COBL: variants seen among roughly 807,000 people sequenced by gnomAD.
COBL encodes the protein protein cordon-bleu.
In COBL, 51 loss-of-function variants were observed where a neutral mutation model predicts 98.8. The ratio of observed to expected loss-of-function variants is 0.52; its 90% CI spans 0.41 to 0.65. The LOEUF is 0.65. Among genes scored for constraint, COBL ranks in the 30% least tolerant of loss-of-function variants. COBL has a pLI of 0.00. For missense variants in COBL, 1,617 were observed against 1,617.5 expected (o/e 1.00, Z 0.01); for synonymous variants, 634 against 651.7 (o/e 0.97, Z 0.41).
chr7:51,094,604 A>C (rs1361171907), intron 6 of COBL, among the ~76,000 whole-genome samples: 1 of 152,176 alleles, frequency 6.6e-6, no homozygotes, highest in African/African-American at 2.4e-5. Flanking sequence ...CCTGCATTAC[A>C]AGAATTGGTA....
chr7:51,154,697 G>GT (rs1466144458), intron 5 of COBL, among the ~76,000 whole-genome samples: 1 of 152,172 alleles, frequency 6.6e-6, no homozygotes, highest in East Asian at 1.9e-4. Flanking sequence ...GAGCCAGCAG[G>GT]TAAGAGGAGA....
chr7:51,109,604 G>C (rs902019871), intron 6 of COBL, among the ~76,000 whole-genome samples: 1 of 151,674 alleles, frequency 6.6e-6, no homozygotes, highest in Non-Finnish European at 1.5e-5. Flanking sequence ...CCTCTCTGTC[G>C]TTCTGTCTCT....
In COBL at chr7:51,027,975, C is replaced by A. The variant is rs1375963649; in HGVS notation, c.3121G>T (p.Val1041Leu). 6.2e-7 allele frequency: 1 copy of A among 1,606,172 alleles called. No individual in the cohort carries two copies. Among genetic ancestry groups the A allele is most frequent in the East Asian group, 2.2e-5 (1 of 44,838 alleles). ...GGCTCGCCGTGGCCTGGGGCGCGCA[C>A]AGAGCCATTGACCAGCTCCCTGCTG... Reference protein sequence around the residue: ...ACSRELVNGSVRAPGHGEPSH... With the variant: ...ACSRELVNGSLRAPGHGEPSH... Residue 1041 changes from valine (V) to leucine (L), a missense_variant, in exon 10 of 13, where the codon GTG becomes TTG. Coordinates refer to ENST00000265136, the MANE Select transcript of COBL (RefSeq NM_015198.5).
At chr7:51,021,492 G>A (rs1786930850) in intron 12 of COBL, among the ~76,000 whole-genome samples, 1 of 151,912 alleles carries the variant, frequency 6.6e-6, no homozygotes, top group Non-Finnish European at 1.5e-5. Flanking sequence ...CACCACACCT[G>A]GCTCATTTCT....
At chr7:51,304,497 C>A (rs183177255) in intron 1 of COBL, among the ~76,000 whole-genome samples, 1 of 152,212 alleles carries the variant, frequency 6.6e-6, no homozygotes, top group African/African-American at 2.4e-5. Context: ...TCTAAACCAA[C>A]AGATCCCTTC....
chr7:51,271,344 T>C (rs912615715), intron 1 of COBL, among the ~76,000 whole-genome samples: 7 of 152,322 alleles, frequency 4.6e-5, no homozygotes, highest in East Asian at 1.9e-4. Flanking sequence ...ACTTTCCTCA[T>C]TGCTTTTTGT....
intron 5 of COBL, among the ~76,000 whole-genome samples, chr7:51,175,004 C>T (rs1788235348): frequency 6.6e-6 from 1 of 152,206 alleles, no homozygotes; most frequent in African/African-American, 2.4e-5. Context: ...GGGTCCCCAG[C>T]TCCAGAGGAT....
intron 6 of COBL, among the ~76,000 whole-genome samples, chr7:51,116,524 T>G (rs1797281626): frequency 6.6e-6 from 1 of 152,166 alleles, no homozygotes; most frequent in Non-Finnish European, 1.5e-5. Context: ...AAGACAATAT[T>G]ATAATTTTTA....
intron 1 of COBL, among the ~76,000 whole-genome samples, chr7:51,258,334 T>C (rs1319793493): frequency 6.6e-6 from 1 of 152,200 alleles, no homozygotes; most frequent in Non-Finnish European, 1.5e-5. Flanking sequence ...CTGGGCTTGG[T>C]TGATCACTGC....
intron 1 of COBL, among the ~76,000 whole-genome samples, chr7:51,265,915 A>AGATGTGATCCAGTGGATC (rs1332754622): frequency 3.3e-5 from 5 of 152,186 alleles, no homozygotes; most frequent in African/African-American, 4.8e-5. Flanking sequence ...AGTTACAGCC[A>AGATGTGATCCAGTGGATC]GATGTGATCC....
At chr7:51,206,335 T>G (rs572534269) in intron 2 of COBL, among the ~76,000 whole-genome samples, 1 of 151,692 alleles carries the variant, frequency 6.6e-6, no homozygotes, top group East Asian at 1.9e-4. Context: ...CCACTAAAAA[T>G]ACAAAAATTA....
intron 1 of COBL, among the ~76,000 whole-genome samples, chr7:51,241,424 G>C (rs1015547009): frequency 2.0e-5 from 3 of 152,200 alleles, no homozygotes; most frequent in Non-Finnish European, 4.4e-5. Context: ...CAGGCACTCA[G>C]TGCTGGGCAG....
chr7:51,122,512 T>C (rs1797830553), intron 6 of COBL, among the ~76,000 whole-genome samples: 1 of 152,232 alleles, frequency 6.6e-6, no homozygotes, highest in Admixed American at 6.5e-5. Context: ...AGAAAGGTTG[T>C]TTTGTACCAT....
At chr7:51,098,094 AAAC>A (rs1253225778) in intron 6 of COBL, among the ~76,000 whole-genome samples, 2 of 151,948 alleles carry the variant, frequency 1.3e-5, no homozygotes, top group African/African-American at 4.8e-5. Context: ...GAAAACTACA[AAAC>A]ATTGCTGGAA....
At chr7:51,159,826 C>G (rs1786605295) in intron 5 of COBL, among the ~76,000 whole-genome samples, 1 of 152,134 alleles carries the variant, frequency 6.6e-6, no homozygotes, top group African/African-American at 2.4e-5. Context: ...GCTTTAAAAC[C>G]AAAACCCTCC....
At chr7:51,071,775 T>C (rs1039138302) in intron 7 of COBL, 5 of 152,224 alleles carry the variant, frequency 3.3e-5, no homozygotes, top group Admixed American at 6.5e-5. Context: ...TCTTCTACAA[T>C]CTTTAAGTCT....
chr7:51,152,805 T>C (rs758163616), intron 5 of COBL, among the ~76,000 whole-genome samples: 2 of 152,236 alleles, frequency 1.3e-5, no homozygotes, highest in Non-Finnish European at 2.9e-5. Context: ...CAGGGCCCTG[T>C]TGGGGCAGAG....
intron 7 of COBL, chr7:51,065,399 T>C (rs762563179): frequency 2.8e-6 from 2 of 703,372 alleles, no homozygotes. Flanking sequence ...GGGGCTGTGG[T>C]ATTCAGAAGC....
chr7:51,049,018 T>C (rs1395865849), intron 7 of COBL, among the ~76,000 whole-genome samples: 1 of 152,226 alleles, frequency 6.6e-6, no homozygotes, highest in Non-Finnish European at 1.5e-5. Context: ...ACTTTTGTTA[T>C]GGTTACATCA....
Sources: gnomAD v4.1 joint callset for allele counts (sites outside exome capture counted in the v4.1 genomes callset) on GRCh38, gnomAD v4.1.1 for gene constraint, MANE v1.5 for transcripts, NCBI Gene and HGNC (gene_info 2026-07-23, HGNC 2026-07-21) for gene names.